Variants in ENOX1 observed in about 807,000 individuals in gnomAD.
ENOX1 encodes ecto-NOX disulfide-thiol exchanger 1.
In ENOX1, 42 loss-of-function variants were observed where a neutral mutation model predicts 82.5. The ratio of observed to expected loss-of-function variants is 0.51; its 90% CI spans 0.40 to 0.66. ENOX1 has a LOEUF of 0.66. ENOX1 is among the 30% of genes least tolerant of loss of function. The pLI is 0.00. For synonymous variants in ENOX1, 271 were observed against 282.2 expected (o/e 0.96, Z 0.40); for missense variants, 608 against 811.6 (o/e 0.75, Z 3.05).
At chr13:43,405,649 A>G (rs918083521) in intron 5 of ENOX1, among the ~76,000 whole-genome samples, 1 of 152,154 alleles carries the variant, frequency 6.6e-6, no homozygotes, top group African/African-American at 2.4e-5. Flanking sequence ...GGTCTTAGTC[A>G]TCCATTCCTG....
chr13:43,297,943 C>G (rs1341077822), intron 12 of ENOX1, among the ~76,000 whole-genome samples: 1 of 152,204 alleles, frequency 6.6e-6, no homozygotes, highest in African/African-American at 2.4e-5. Context: ...TACATTTACA[C>G]TAACCTTGAA....
intron 1 of ENOX1, among the ~76,000 whole-genome samples, chr13:43,753,961 A>ACTGATGTATTTCTTCTGTATATATAAG (rs71099848): frequency 6.7e-6 from 1 of 149,042 alleles, no homozygotes; most frequent in African/African-American, 2.5e-5. Flanking sequence ...AGAGACATAA[A>ACTGATGTATTTCTTCTGTATATATAAG]CTGATGTATT....
chr13:43,496,985 G>A (rs1225645750), intron 2 of ENOX1, among the ~76,000 whole-genome samples: 2 of 152,072 alleles, frequency 1.3e-5, no homozygotes, highest in African/African-American at 2.4e-5. Context: ...TTTTGGGACT[G>A]TGTTAAATAT....
At chr13:43,232,038 AC>A (rs2042308165) in intron 15 of ENOX1, among the ~76,000 whole-genome samples, 1 of 147,308 alleles carries the variant, frequency 6.8e-6, no homozygotes, top group Non-Finnish European at 1.5e-5. Context: ...AGATCCTTCC[AC>A]CTCAGCCCCC....
intron 12 of ENOX1, among the ~76,000 whole-genome samples, chr13:43,295,198 C>T (rs559511954): frequency 5.2e-4 from 79 of 152,222 alleles, no homozygotes; most frequent in Non-Finnish European, 9.1e-4. Context: ...TACTTGTACA[C>T]CTAAAAGTAC....
At chr13:43,440,521 A>G (rs1027608438) in intron 3 of ENOX1, among the ~76,000 whole-genome samples, 11 of 152,180 alleles carry the variant, frequency 7.2e-5, no homozygotes, top group African/African-American at 2.2e-4. Flanking sequence ...TTTTAACAAA[A>G]AAATTATCAA....
intron 2 of ENOX1, among the ~76,000 whole-genome samples, chr13:43,587,097 AAAAG>A (rs1482924810): frequency 1.3e-5 from 2 of 152,030 alleles, no homozygotes; most frequent in Non-Finnish European, 2.9e-5. Context: ...AAGAAATAGT[AAAAG>A]AACAATCAGC....
chr13:43,342,155 A>G (rs539462824), intron 9 of ENOX1, among the ~76,000 whole-genome samples: 1 of 152,260 alleles, frequency 6.6e-6, no homozygotes, highest in East Asian at 1.9e-4. Flanking sequence ...CCAGAGAGAA[A>G]CATCTTCTAC....
intron 3 of ENOX1, among the ~76,000 whole-genome samples, chr13:43,435,161 G>C (rs1204554368): frequency 6.6e-6 from 1 of 151,952 alleles, no homozygotes; most frequent in Non-Finnish European, 1.5e-5. Flanking sequence ...TCTAAAACTG[G>C]AAACTGATGG....
At chr13:43,297,041 C>G (rs1190726216) in intron 12 of ENOX1, among the ~76,000 whole-genome samples, 1 of 152,234 alleles carries the variant, frequency 6.6e-6, no homozygotes, top group African/African-American at 2.4e-5. Context: ...TGACATTTTC[C>G]TGGCTGGCTC....
chr13:43,774,972 A>G (rs913084484), intron 1 of ENOX1, among the ~76,000 whole-genome samples: 2 of 151,862 alleles, frequency 1.3e-5, no homozygotes, highest in African/African-American at 2.4e-5. Flanking sequence ...TTCAGCCTCC[A>G]AAGTACCTGG....
At chr13:43,486,379 C>T (rs989097392) in intron 2 of ENOX1, among the ~76,000 whole-genome samples, 21 of 150,486 alleles carry the variant, frequency 1.4e-4, no homozygotes, top group African/African-American at 4.7e-4. Flanking sequence ...GTGAGACTCT[C>T]TCAAAAAAAA....
At chr13:43,277,739 GA>G (rs1256371079) in intron 12 of ENOX1, among the ~76,000 whole-genome samples, 2 of 152,204 alleles carry the variant, frequency 1.3e-5, no homozygotes, top group South Asian at 2.1e-4. Flanking sequence ...ACTTAGAGCT[GA>G]AAATGTTTCC....
At position 43,484,000 on chromosome 13, in the gene ENOX1, AAC is replaced by A; in HGVS notation, c.-75+7_-75+8del. On this transcript the variant is annotated splice_region_variant and intron_variant, in intron 3 of 16. Coordinates refer to ENST00000690772, the MANE Select transcript of ENOX1 (RefSeq NM_001347969.2). ...CTTCAGTAAGAAAAATGAAAAAATT[AAC>A]ACAAACCTCAAAACTGCCAGCAGCT... is the stretch of plus-strand genomic sequence containing the variant. The A allele has an allele frequency of 3.0e-6, 3 of 985,556 alleles. No individual in the cohort carries two copies. Among genetic ancestry groups the A allele is most frequent in the Non-Finnish European group, 3.6e-6 (3 of 829,902 alleles). The allele number at this position is 985,556 out of a possible 1,614,324, so 61.1% of individuals were successfully genotyped here.
rs181988090 is a variant in ENOX1, at chr13:43,220,964, A to G, written c.1800+3089T>C. ...AACAGGATCTGAATCTCCTTTCCAT[A>G]GCCAAGACATTTAAATTTTGTGTTT... On this transcript the variant is annotated intron_variant, in intron 16 of 16. Transcript: ENST00000690772. Among the ~76,000 whole-genome samples, 104 of 152,348 alleles carry G rather than the reference A, an allele frequency of 6.8e-4. 1 individual carries two copies. The highest frequency in any genetic ancestry group is 2.4e-3 in the African/African-American group (99 of 41,586).
At chr13:43,741,084 T>G (rs2089886667) in intron 1 of ENOX1, among the ~76,000 whole-genome samples, 1 of 7,916 alleles carries the variant, frequency 1.3e-4, no homozygotes, top group South Asian at 0.013. Flanking sequence ...TGGCTGAAAC[T>G]TTTTTTTTTT....
chr13:43,690,134 A>G (rs1205481430), intron 1 of ENOX1, among the ~76,000 whole-genome samples: 1 of 152,028 alleles, frequency 6.6e-6, no homozygotes, highest in East Asian at 1.9e-4. Flanking sequence ...GTATCCATCA[A>G]TCTAGCCTCT....
chr13:43,226,148 G>A (rs2042013354), intron 15 of ENOX1, among the ~76,000 whole-genome samples: 2 of 152,114 alleles, frequency 1.3e-5, no homozygotes, highest in Admixed American at 6.5e-5. Flanking sequence ...TTCTGGTGAA[G>A]TGGCATTCTA....
chr13:43,280,368 A>G (rs985115370), intron 12 of ENOX1, among the ~76,000 whole-genome samples: 2 of 152,234 alleles, frequency 1.3e-5, no homozygotes, highest in Admixed American at 1.3e-4. Flanking sequence ...GGCCTCATTC[A>G]GTTTAACCAC....
Sources: allele counts gnomAD v4.1 joint callset (sites outside exome capture counted in the v4.1 genomes callset), GRCh38; gene constraint gnomAD v4.1.1; transcripts MANE v1.5; gene names NCBI Gene and HGNC (gene_info 2026-07-23, HGNC 2026-07-21).